The following EIF4E3 variants were observed in gnomAD, a reference collection of about 807,000 sequenced individuals.
EIF4E3 encodes the protein eukaryotic translation initiation factor 4E family member 3, also known as eukaryotic translation initiation factor 4E type 3.
EIF4E3 carries 26 observed loss-of-function variants against 31.7 expected under a neutral mutation model. That is an observed-to-expected ratio of 0.82 (90% CI 0.60 to 1.14). EIF4E3 has a LOEUF of 1.14. Ranked by LOEUF, EIF4E3 falls within the 50% of genes most tolerant of loss-of-function variation. EIF4E3 has a pLI of 0.00. For missense variants in EIF4E3, 304 were observed against 270.9 expected (o/e 1.12, Z -0.86); for synonymous variants, 128 against 107.7 (o/e 1.19, Z -1.17).
rs2048925075 is a variant in EIF4E3, at chr3:71,681,667, C to T, written c.*3015G>A. ...GGATACAACTTGCCGACTTCAATAC[C>T]CAGCTCTGTGGCTGGCTAGCCCTAC... On this transcript the variant is annotated 3_prime_UTR_variant, in exon 7 of 7. Transcript: ENST00000425534. The T allele has an allele frequency of 6.6e-6, 1 of 152,152 alleles. No individual in the cohort carries two copies. The highest frequency in any genetic ancestry group is 1.5e-5 in the Non-Finnish European group (1 of 68,036). 9.4% of individuals were successfully genotyped at this position (152,152 alleles called of 1,614,324 possible).
At chr3:71,743,734 T>A (rs1362821513) in intron 1 of EIF4E3, among the ~76,000 whole-genome samples, 1 of 152,152 alleles carries the variant, frequency 6.6e-6, no homozygotes, top group Non-Finnish European at 1.5e-5. Context: ...GCCACAATAA[T>A]GAATACAGTG....
In EIF4E3 at chr3:71,679,516, C is replaced by T. The variant is rs2048899112; in HGVS notation, c.*5166G>A. 1 of 152,008 alleles carries T rather than the reference C, an allele frequency of 6.6e-6. No individual in the cohort carries two copies. The highest frequency in any genetic ancestry group is 1.5e-5 in the Non-Finnish European group (1 of 67,998). The allele number at this position is 152,008 out of a possible 1,614,324, so 9.4% of individuals were successfully genotyped here. ...TCAATCTCATGATTTCTGAAGGACA[C>T]AAAAGCATAGAATATCCAAAAGCTA... On this transcript the variant is annotated 3_prime_UTR_variant, in exon 7 of 7. Coordinates refer to ENST00000425534, the MANE Select transcript of EIF4E3 (RefSeq NM_001134651.2).
intron 2 of EIF4E3, among the ~76,000 whole-genome samples, chr3:71,706,453 A>C (rs1306372588): frequency 6.6e-6 from 1 of 152,170 alleles, no homozygotes; most frequent in Non-Finnish European, 1.5e-5. Context: ...TTTCATCTAA[A>C]CACATATGGG....
intron 1 of EIF4E3, among the ~76,000 whole-genome samples, chr3:71,751,990 T>C (rs945778537): frequency 2.2e-4 from 34 of 152,144 alleles, no homozygotes; most frequent in African/African-American, 3.6e-4. Flanking sequence ...CCCTCCAAAA[T>C]CTATTTTCTA....
chr3:71,661,884 TAA>T, the EIF4E3 span, among the ~76,000 whole-genome samples: 1 of 152,186 alleles, frequency 6.6e-6, no homozygotes, highest in Non-Finnish European at 1.5e-5. Flanking sequence ...AGAAAGTGGT[TAA>T]GAGGAGGAGC....
At chr3:71,689,687 T>C (rs1482866055) in intron 6 of EIF4E3, among the ~76,000 whole-genome samples, 1 of 152,216 alleles carries the variant, frequency 6.6e-6, no homozygotes, top group East Asian at 1.9e-4. Flanking sequence ...ATTTTTGTTA[T>C]TGTTGTTTCC....
In EIF4E3 at chr3:71,679,970, T is replaced by G. The variant is rs1416597013; in HGVS notation, c.*4712A>C. 6.6e-6 allele frequency: 1 copy of G among 152,210 alleles called. No individual in the cohort carries two copies. The highest frequency in any genetic ancestry group is 1.5e-5 in the Non-Finnish European group (1 of 68,030). 9.4% of individuals were successfully genotyped at this position (152,210 alleles called of 1,614,324 possible). On this transcript the variant is annotated 3_prime_UTR_variant, in exon 7 of 7. Transcript: ENST00000425534. ...TTTCTGAACACTAATTTCTTTTCTC[T>G]TAACAGACTGAAATGGTATTTAGAA...
upstream of EIF4E3, chr3:71,754,507 C>A: frequency 7.7e-7 from 1 of 1,290,844 alleles, no homozygotes; most frequent in Admixed American, 3.8e-5. This position sits in a 1 kb window ranked among gnomAD's most constrained non-coding sequence, Gnocchi z 5.8. Context: ...CTGGCGCTGG[C>A]CGCGGCCTTC....
intron 1 of EIF4E3, among the ~76,000 whole-genome samples, chr3:71,739,146 C>G (rs1220890572): frequency 6.6e-6 from 1 of 150,612 alleles, no homozygotes; most frequent in African/African-American, 2.4e-5. Context: ...GCTTACATTA[C>G]AAAAGAGGAA....
At chr3:71,745,909 T>G (rs1304770766) in intron 1 of EIF4E3, among the ~76,000 whole-genome samples, 1 of 152,228 alleles carries the variant, frequency 6.6e-6, no homozygotes, top group Non-Finnish European at 1.5e-5. Flanking sequence ...AATAATGGCA[T>G]TGTAAATAGT....
At chr3:71,723,588 G>T (rs1458406750) in intron 1 of EIF4E3, among the ~76,000 whole-genome samples, 1 of 152,166 alleles carries the variant, frequency 6.6e-6, no homozygotes, top group Non-Finnish European at 1.5e-5. Context: ...TAAAAGTGTT[G>T]TTCCTACATG....
Position 71,684,392 on chromosome 3 carries a change from G to C in EIF4E3, c.*290C>G. ...TAGGCTGAATAAGGAATTTTAAACG[G>C]CAAAAAAAAAAAAAAATCAGAGTGA... On this transcript the variant is annotated 3_prime_UTR_variant, in exon 7 of 7. Coordinates refer to ENST00000425534, the MANE Select transcript of EIF4E3 (RefSeq NM_001134651.2). 4.0e-6 allele frequency: 1 copy of C among 250,210 alleles called. No homozygotes were observed. The highest frequency in any genetic ancestry group is 6.9e-6 in the Non-Finnish European group (1 of 145,010). 15.5% of individuals were successfully genotyped at this position (250,210 alleles called of 1,614,324 possible). A position where few individuals can be genotyped will look rare whatever the true frequency, so the allele number is the denominator to read the frequency against.
chr3:71,700,639 C>A lies in EIF4E3; in HGVS notation c.250-931G>T, dbSNP rs113364811. Among the ~76,000 whole-genome samples the A allele has an allele frequency of 9.4e-3, 1,406 of 150,294 alleles. 22 individuals carry two copies. The highest frequency in any genetic ancestry group is 0.033 in the African/African-American group (1,346 of 40,912). ...AAAAAAAAAAAAAAAAAAAATCAACCCTGTCTTCTCTACAAGCCTGGAAGA... is the reference window on the plus strand; with the variant it reads ...AAAAAAAAAAAAAAAAAAAATCAACACTGTCTTCTCTACAAGCCTGGAAGA... On this transcript the variant is annotated intron_variant, in intron 2 of 6. Coordinates refer to ENST00000425534, the MANE Select transcript of EIF4E3 (RefSeq NM_001134651.2).
downstream of EIF4E3, among the ~76,000 whole-genome samples, chr3:71,674,291 T>C (rs112299262): frequency 4.3e-3 from 646 of 151,518 alleles, 7 homozygotes; most frequent in East Asian, 0.025. Flanking sequence ...ATTTTTAGTA[T>C]TGATGGGGTT....
chr3:71,731,993 T>C (rs1340962584), intron 1 of EIF4E3, among the ~76,000 whole-genome samples: 2 of 152,204 alleles, frequency 1.3e-5, no homozygotes, highest in Non-Finnish European at 2.9e-5. Context: ...GAAATATATA[T>C]ATTCCAAACA....
At chr3:71,675,177 A>G (rs369733751), downstream of EIF4E3, among the ~76,000 whole-genome samples, 4 of 152,178 alleles carry the variant, frequency 2.6e-5, no homozygotes, top group East Asian at 5.8e-4. Context: ...TTGCAAACAC[A>G]AATAGTTAAA....
intron 2 of EIF4E3, among the ~76,000 whole-genome samples, chr3:71,709,403 A>G (rs2049342770): frequency 6.6e-6 from 1 of 152,184 alleles, no homozygotes; most frequent in Non-Finnish European, 1.5e-5. Flanking sequence ...TTTTTGAGAC[A>G]AGGTCTTGCT....
intron 1 of EIF4E3, among the ~76,000 whole-genome samples, chr3:71,742,385 A>C (rs1264888099): frequency 6.6e-6 from 1 of 152,186 alleles, no homozygotes; most frequent in African/African-American, 2.4e-5. Flanking sequence ...TTGGTAACAC[A>C]GATGAGATGG....
intron 1 of EIF4E3, among the ~76,000 whole-genome samples, chr3:71,712,799 T>C (rs2049401711): frequency 6.6e-6 from 1 of 151,366 alleles, no homozygotes; most frequent in Non-Finnish European, 1.5e-5. Context: ...TCATACAGTA[T>C]TATGTCAATT....
Sources: allele counts gnomAD v4.1 joint callset (sites outside exome capture counted in the v4.1 genomes callset), GRCh38; gene constraint gnomAD v4.1.1; non-coding constraint Gnocchi (gnomAD v3.1); transcripts MANE v1.5; gene names NCBI Gene and HGNC (gene_info 2026-07-23, HGNC 2026-07-21).